Variants in GRM3 observed in about 807,000 individuals in gnomAD.
The protein encoded by GRM3 is glutamate metabotropic receptor 3, also known as metabotropic glutamate receptor 3.
In GRM3, 26 loss-of-function variants were observed where a neutral mutation model predicts 70.5. The ratio of observed to expected loss-of-function variants is 0.37; its 90% confidence interval spans 0.27 to 0.51. The LOEUF (loss-of-function observed/expected upper bound fraction) is 0.51, where lower values mean the gene tolerates loss of function less well. Among genes scored for constraint, GRM3 ranks in the 20% least tolerant of loss-of-function variants. The pLI is 0.93. For synonymous variants in GRM3, 443 were observed against 434.9 expected (o/e 1.02, Z -0.23); for missense variants, 859 against 1,123.8 (o/e 0.76, Z 3.37).
intron 1 of GRM3, among the ~76,000 whole-genome samples, chr7:86,683,598 G>A (rs1794492598): frequency 6.6e-6 from 1 of 152,164 alleles, no homozygotes; most frequent in Admixed American, 6.5e-5. Context: ...GAGATTGAAA[G>A]TAGCCAGGAT....
intron 1 of GRM3, among the ~76,000 whole-genome samples, chr7:86,646,721 G>A (rs1793482951): frequency 6.6e-6 from 1 of 152,026 alleles, no homozygotes; most frequent in Non-Finnish European, 1.5e-5. Flanking sequence ...GCCACACTTT[G>A]GAGCTTGAAA....
chr7:86,674,347 C>A (rs921262706), intron 1 of GRM3, among the ~76,000 whole-genome samples: 6 of 151,562 alleles, frequency 4.0e-5, no homozygotes, highest in Non-Finnish European at 7.4e-5. Flanking sequence ...CTCTCAGGGC[C>A]AGAGATCCAA....
At chr7:86,811,877 G>A (rs889463461) in intron 3 of GRM3, among the ~76,000 whole-genome samples, 1 of 150,404 alleles carries the variant, frequency 6.6e-6, no homozygotes. Flanking sequence ...TTTGTTAAAT[G>A]AGAAAGCTAG....
chr7:86,740,214 CAA>C (rs1795954939), intron 1 of GRM3, among the ~76,000 whole-genome samples: 1 of 152,010 alleles, frequency 6.6e-6, no homozygotes, highest in Non-Finnish European at 1.5e-5. Context: ...AAGTAATTAA[CAA>C]GAGAGGTAGT....
chr7:86,787,247 T>C (rs1488251733), intron 3 of GRM3, 131 bp downstream of exon 3: 1 of 733,860 alleles, frequency 1.4e-6, no homozygotes, highest in East Asian at 2.5e-5. Flanking sequence ...GTTAACCAAA[T>C]ATTCCAGGAT....
chr7:86,658,338 GAGATTCATGTCTCAT>G (rs1793798778), intron 1 of GRM3, among the ~76,000 whole-genome samples: 1 of 152,086 alleles, frequency 6.6e-6, no homozygotes, highest in African/African-American at 2.4e-5. Flanking sequence ...CATGTGTGTC[GAGATTCATGTCTCAT>G]CCCTTTGCCC....
intron 3 of GRM3, among the ~76,000 whole-genome samples, chr7:86,821,205 C>T (rs1798113338): frequency 6.6e-6 from 1 of 151,950 alleles, no homozygotes; most frequent in South Asian, 2.1e-4. Flanking sequence ...AAGATTATGT[C>T]ATAAACATGT....
At chr7:86,729,903 C>T (rs925525596) in intron 1 of GRM3, among the ~76,000 whole-genome samples, 2 of 151,306 alleles carry the variant, frequency 1.3e-5, no homozygotes, top group African/African-American at 4.9e-5. Flanking sequence ...GTCAAGAGGT[C>T]GAGACCATCC....
intron 4 of GRM3, among the ~76,000 whole-genome samples, chr7:86,846,530 T>C (rs1798659367): frequency 6.6e-6 from 1 of 152,194 alleles, no homozygotes; most frequent in South Asian, 2.1e-4. Context: ...ATGTTAGTAC[T>C]AGTTATTAGA....
chr7:86,806,142 C>T (rs1797786915), intron 3 of GRM3, among the ~76,000 whole-genome samples: 1 of 152,158 alleles, frequency 6.6e-6, no homozygotes, highest in African/African-American at 2.4e-5. Flanking sequence ...TTAATCCAGT[C>T]TATCATTGAT....
At chr7:86,777,030 AT>A (rs2116481456) in intron 2 of GRM3, among the ~76,000 whole-genome samples, 1 of 152,298 alleles carries the variant, frequency 6.6e-6, no homozygotes, top group East Asian at 1.9e-4. Flanking sequence ...TACCTGCTAA[AT>A]CTGGATGGAA....
In GRM3 at chr7:86,659,687, T is replaced by C. The variant is rs528297618; in HGVS notation, c.-141+14815T>C. Among the ~76,000 whole-genome samples, 83 of 152,204 alleles carry C rather than the reference T, an allele frequency of 5.5e-4. 2 individuals are homozygous for C. The South Asian group carries it at 0.017, about 31-fold the overall frequency. ...AAGTTAGTAGTATAGTCAAATATTG[T>C]ATAGGTTTTTGAGCAGAGTGTATCT... On this transcript the variant is annotated intron_variant, in intron 1 of 5. Coordinates refer to ENST00000361669, the MANE Select transcript of GRM3 (RefSeq NM_000840.3).
At chr7:86,792,697 C>T (rs1797449078) in intron 3 of GRM3, among the ~76,000 whole-genome samples, 1 of 152,178 alleles carries the variant, frequency 6.6e-6, no homozygotes, top group Non-Finnish European at 1.5e-5. Flanking sequence ...CTTCATAGAG[C>T]TTACACAGAC....
chr7:86,710,300 C>T (rs866623846), intron 1 of GRM3: 3 of 151,368 alleles, frequency 2.0e-5, no homozygotes, highest in African/African-American at 7.3e-5. Context: ...TTCATTTCAA[C>T]TCTAGAATTC....
chr7:86,693,352 C>T (rs1254740450), intron 1 of GRM3, among the ~76,000 whole-genome samples: 1 of 152,186 alleles, frequency 6.6e-6, no homozygotes, highest in Non-Finnish European at 1.5e-5. Flanking sequence ...TGCTCTAATA[C>T]TGATCTTTGC....
In GRM3 at chr7:86,737,620, T is replaced by C. The variant is rs1795894624; in HGVS notation, c.-140-27386T>C. Among the ~76,000 whole-genome samples, 3 of 152,246 alleles carry C rather than the reference T, an allele frequency of 2.0e-5. No homozygotes were observed. The South Asian group carries it at 6.2e-4, about 31-fold the overall frequency. On this transcript the variant is annotated intron_variant, in intron 1 of 5. Coordinates refer to ENST00000361669, the MANE Select transcript of GRM3 (RefSeq NM_000840.3). ...ATACCTATTTTCTCAATACGTGCTT[T>C]AGTCTACCATAGTTTACCTCCAAAA...
At chr7:86,858,879 T>C (rs1267293503) in intron 5 of GRM3, among the ~76,000 whole-genome samples, 1 of 152,236 alleles carries the variant, frequency 6.6e-6, no homozygotes, top group Non-Finnish European at 1.5e-5. Flanking sequence ...ATGAATATGA[T>C]GATCTTAAAT....
intron 1 of GRM3, among the ~76,000 whole-genome samples, chr7:86,722,841 A>G (rs1229016507): frequency 6.6e-6 from 1 of 152,138 alleles, no homozygotes; most frequent in East Asian, 1.9e-4. Context: ...AATTCCATCT[A>G]TTCGGTCCTT....
rs372624812 is a variant in GRM3, at chr7:86,827,835, C to T, written c.1325-11004C>T. ...TTTTAAAAGAGAGAAAAATCCAGGC[C>T]GGTGCGGTGGCTCACACCTGTAACC... On this transcript the variant is annotated intron_variant, in intron 3 of 5. Coordinates refer to ENST00000361669, the MANE Select transcript of GRM3 (RefSeq NM_000840.3). Among the ~76,000 whole-genome samples the T allele has an allele frequency of 1.3e-4, 20 of 152,012 alleles. No individual in the cohort carries two copies. In the East Asian group the frequency reaches 1.6e-3, roughly 12 times the overall value.
Sources: gnomAD v4.1 joint callset for allele counts (sites outside exome capture counted in the v4.1 genomes callset) on GRCh38, gnomAD v4.1.1 for gene constraint, MANE v1.5 for transcripts, NCBI Gene and HGNC (gene_info 2026-07-23, HGNC 2026-07-21) for gene names.